PRKCE: variants seen among roughly 807,000 people sequenced by gnomAD.
PRKCE encodes protein kinase C epsilon.
A neutral mutation model predicts 85.4 loss-of-function variants in PRKCE; 16 were observed. That is an observed-to-expected ratio of 0.19 (90% CI 0.13 to 0.28). PRKCE has a LOEUF of 0.28. PRKCE is among the 10% of genes least tolerant of loss of function. The pLI is 1.00. For missense variants in PRKCE, 573 were observed against 975.2 expected, an observed-to-expected ratio of 0.59 and a Z score of 5.49; for synonymous variants, 388 against 371.5, an observed-to-expected ratio of 1.04 and a Z score of -0.51.
intron 11 of PRKCE, among the ~76,000 whole-genome samples, chr2:46,114,290 A>G (rs1672542770): frequency 6.6e-6 from 1 of 151,952 alleles, no homozygotes; most frequent in African/African-American, 2.4e-5. Context: ...CTTAGTGTCC[A>G]GCGATCAGGG....
Position 45,976,594 on chromosome 2 carries a change from C to T in PRKCE, c.572+6C>T. The T allele has an allele frequency of 1.3e-6, 2 of 1,599,266 alleles. No homozygotes were observed. Among genetic ancestry groups the T allele is most frequent in the Non-Finnish European group, 1.7e-6 (2 of 1,179,620 alleles). ...CATTGCAGAGACTTCATCTGGTAAG[C>T]CTTTCTCTTGGGAACCTCTAATTAC... On this transcript the variant is annotated splice_donor_region_variant and intron_variant, in intron 3 of 14. Coordinates refer to ENST00000306156, the MANE Select transcript of PRKCE (RefSeq NM_005400.3).
intron 1 of PRKCE, among the ~76,000 whole-genome samples, chr2:45,788,325 G>T (rs1686774285): frequency 6.6e-6 from 1 of 152,198 alleles, no homozygotes; most frequent in African/African-American, 2.4e-5. Flanking sequence ...CATCCTTGGT[G>T]ACTCTGGGCT....
intron 2 of PRKCE, among the ~76,000 whole-genome samples, chr2:45,908,350 G>A (rs970128375): frequency 2.4e-4 from 37 of 152,290 alleles, no homozygotes; most frequent in Admixed American, 1.8e-3. Flanking sequence ...AGCCAGAAAC[G>A]GACCAGGAGC....
At chr2:46,061,933 T>G (rs1667181262) in intron 10 of PRKCE, among the ~76,000 whole-genome samples, 1 of 142,256 alleles carries the variant, frequency 7.0e-6, no homozygotes, top group Non-Finnish European at 1.5e-5. Flanking sequence ...CTCGGCTCAC[T>G]ACAACCTCCG....
intron 1 of PRKCE, among the ~76,000 whole-genome samples, chr2:45,674,426 C>A (rs1342540029): frequency 6.6e-6 from 1 of 152,170 alleles, no homozygotes; most frequent in Non-Finnish European, 1.5e-5. Flanking sequence ...GTCAAGAGGA[C>A]TCTGTCAAAC....
At chr2:46,045,484 T>C (rs1440244688) in intron 10 of PRKCE, among the ~76,000 whole-genome samples, 1 of 152,246 alleles carries the variant, frequency 6.6e-6, no homozygotes, top group Non-Finnish European at 1.5e-5. Context: ...GCTAGTAATA[T>C]TGCAGGAGCT....
At chr2:45,710,419 T>C (rs1479555804) in intron 1 of PRKCE, among the ~76,000 whole-genome samples, 3 of 152,238 alleles carry the variant, frequency 2.0e-5, no homozygotes, top group Admixed American at 2.0e-4. Flanking sequence ...CCAGAGTCTC[T>C]AATATGTCCT....
rs372720328 is a variant in PRKCE at position 46,061,942 on chromosome 2, C to T, written c.1438-24266C>T. The stretch of plus-strand genomic sequence containing the variant: ...CACAATCTCGGCTCACTACAACCTC[C>T]GCCTCCCGGGTTCGGGTTCAAGAGA... On this transcript the variant is annotated intron_variant, in intron 10 of 14. Coordinates refer to ENST00000306156, the MANE Select transcript of PRKCE (RefSeq NM_005400.3). Among the ~76,000 whole-genome samples, 35 of 150,950 alleles carry T rather than the reference C, an allele frequency of 2.3e-4. No individual in the cohort carries two copies. In the East Asian group the frequency reaches 2.9e-3, roughly 13 times the overall value.
At chr2:46,087,549 T>C (rs912928144) in intron 11 of PRKCE, among the ~76,000 whole-genome samples, 2 of 152,238 alleles carry the variant, frequency 1.3e-5, no homozygotes, top group African/African-American at 4.8e-5. Context: ...AGTGATTTCC[T>C]AGAGCCCATA....
At chr2:46,105,332 G>A (rs1033377155) in intron 11 of PRKCE, among the ~76,000 whole-genome samples, 14 of 151,932 alleles carry the variant, frequency 9.2e-5, no homozygotes, top group African/African-American at 2.9e-4. Flanking sequence ...GCAACCCTGA[G>A]CCCCTGTAAA....
intron 1 of PRKCE, among the ~76,000 whole-genome samples, chr2:45,773,902 A>G (rs977717227): frequency 7.2e-5 from 11 of 152,142 alleles, no homozygotes; most frequent in African/African-American, 2.7e-4. Context: ...GCAGCTGCCC[A>G]AGGCTGCCCT....
intron 2 of PRKCE, among the ~76,000 whole-genome samples, chr2:45,913,524 T>G (rs905901708): frequency 6.6e-6 from 1 of 152,228 alleles, no homozygotes; most frequent in Non-Finnish European, 1.5e-5. Flanking sequence ...TTGGATTAAA[T>G]GACTCTTAGT....
intron 2 of PRKCE, among the ~76,000 whole-genome samples, chr2:45,893,887 A>T (rs181846975): frequency 3.2e-4 from 48 of 152,254 alleles, no homozygotes; most frequent in African/African-American, 1.2e-3. Flanking sequence ...CAGGCAGCAT[A>T]TAGGAGGCCT....
intron 6 of PRKCE, among the ~76,000 whole-genome samples, chr2:45,994,041 GT>G (rs1313656585): frequency 6.6e-6 from 1 of 152,064 alleles, no homozygotes; most frequent in Non-Finnish European, 1.5e-5. Flanking sequence ...AGGTGACCAG[GT>G]TATGTAGAGC....
At chr2:45,799,663 T>A (rs1687705051) in intron 1 of PRKCE, among the ~76,000 whole-genome samples, 1 of 152,254 alleles carries the variant, frequency 6.6e-6, no homozygotes, top group Non-Finnish European at 1.5e-5. Context: ...CATGTCAGTA[T>A]AATTAGTGCA....
intron 2 of PRKCE, among the ~76,000 whole-genome samples, chr2:45,877,129 G>A (rs1166537186): frequency 6.6e-6 from 1 of 152,112 alleles, no homozygotes; most frequent in Admixed American, 6.6e-5. Context: ...ATTCTAAGTA[G>A]GGAGTTATTT....
chr2:45,740,453 G>A (rs1682460128), intron 1 of PRKCE, among the ~76,000 whole-genome samples: 1 of 152,036 alleles, frequency 6.6e-6, no homozygotes, highest in Non-Finnish European at 1.5e-5. Context: ...TCAGGGTTCA[G>A]CATTGTTTCT....
At chr2:46,118,927 A>G (rs1673041780) in intron 11 of PRKCE, among the ~76,000 whole-genome samples, 1 of 152,224 alleles carries the variant, frequency 6.6e-6, no homozygotes, top group South Asian at 2.1e-4. Context: ...AGCCTGCAAC[A>G]GATGGAGCAA....
At chr2:45,778,278 C>T (rs1166365278) in intron 1 of PRKCE, among the ~76,000 whole-genome samples, 2 of 152,066 alleles carry the variant, frequency 1.3e-5, no homozygotes, top group South Asian at 2.1e-4. Flanking sequence ...GAAAGTATTG[C>T]TTTGGGAAGT....
Sources: allele counts gnomAD v4.1 joint callset (sites outside exome capture counted in the v4.1 genomes callset), GRCh38; gene constraint gnomAD v4.1.1; transcripts MANE v1.5; gene names NCBI Gene and HGNC (gene_info 2026-07-23, HGNC 2026-07-21).